Variants in NEURL1B observed in about 807,000 individuals in gnomAD.
NEURL1B encodes the protein E3 ubiquitin-protein ligase NEURL1B.
NEURL1B carries 13 observed loss-of-function variants against 37.4 expected under a neutral mutation model. The ratio of observed to expected loss-of-function variants is 0.35; its 90% confidence interval spans 0.23 to 0.55. The LOEUF is 0.55. NEURL1B is among the 20% of genes least tolerant of loss of function. The pLI is 0.89. For missense variants in NEURL1B, 790 were observed against 879.2 expected (o/e 0.90, Z 1.28); for synonymous variants, 432 against 426.6 (o/e 1.01, Z -0.16).
intron 1 of NEURL1B, among the ~76,000 whole-genome samples, chr5:172,651,587 C>T (rs1757665961): frequency 6.6e-6 from 1 of 152,164 alleles, no homozygotes; most frequent in Non-Finnish European, 1.5e-5. Context: ...CAAACTCTTC[C>T]TCTTTCTGCT....
At position 172,649,365 on chromosome 5, in the gene NEURL1B, T is replaced by C. The variant is rs1347923812; in HGVS notation, c.31+7928T>C. On this transcript the variant is annotated intron_variant, in intron 1 of 4. Coordinates refer to ENST00000369800, the MANE Select transcript of NEURL1B (RefSeq NM_001142651.3). Reference sequence around the variant, plus strand: ...CACTTCTTTTTTTTTTTTTTTTTTTTTTTTTTTTTTTTTTGAGACAGAGTC... The same window carrying C: ...CACTTCTTTTTTTTTTTTTTTTTTTCTTTTTTTTTTTTTTGAGACAGAGTC... Among the ~76,000 whole-genome samples, 6 of 109,874 alleles carry C rather than the reference T, an allele frequency of 5.5e-5. No individual in the cohort carries two copies. The East Asian group carries it at 1.3e-3, about 23-fold the overall frequency. 72.1% of individuals were successfully genotyped at this position (109,874 alleles called of 152,430 possible).
chr5:172,677,249 A>T (rs763466042), intron 2 of NEURL1B, among the ~76,000 whole-genome samples: 1 of 152,114 alleles, frequency 6.6e-6, no homozygotes, highest in African/African-American at 2.4e-5. Flanking sequence ...CCCAGCGTAA[A>T]TCATTTGCAT....
chr5:172,654,643 TAA>T lies in NEURL1B; in HGVS notation c.31+13209_31+13210del, dbSNP rs370065256. On this transcript the variant is annotated intron_variant, in intron 1 of 4. Coordinates refer to ENST00000369800, the MANE Select transcript of NEURL1B (RefSeq NM_001142651.3). The stretch of plus-strand genomic sequence containing the variant: ...GGTGTGCTCACAATGAGGTTTCCTC[TAA>T]AAGTTATTTTTCTACTTTTTTCTGT... Among the ~76,000 whole-genome samples, 56 of 150,370 alleles carry T rather than the reference TAA, an allele frequency of 3.7e-4. 1 individual carries two copies. In the East Asian group the frequency reaches 7.6e-3, roughly 21 times the overall value.
chr5:172,683,557 GC>G lies in NEURL1B; in HGVS notation c.718del (p.His240ThrfsTer51). 6.8e-7 allele frequency: 1 copy of G among 1,473,286 alleles called. No homozygotes were observed. The highest frequency in any genetic ancestry group is 1.3e-5 in the South Asian group (1 of 78,508). 91.3% of individuals were successfully genotyped at this position (1,473,286 alleles called of 1,614,324 possible). On this transcript the variant is annotated frameshift_variant, in exon 3 of 5. Transcript: ENST00000369800. LOFTEE classifies it high-confidence loss of function. The surrounding 1 kb of genome is among the most constrained non-coding windows in gnomAD (Gnocchi z 5.6). ...AACAACCAGGTGGTGGCCAAGCTGG[GC>G]CACCTGGCGCTGGGCCGCGCCCCGG... is the stretch of plus-strand genomic sequence containing the variant. ...LENNQVVAKL[G>X]HLALGRAPGP...
rs147990509 is a variant in NEURL1B at position 172,682,531 on chromosome 5, G to A, written c.578-888G>A. 4.5e-3 allele frequency among the ~76,000 whole-genome samples: 681 copies of A among 152,278 alleles called. 1 individual carries two copies. Among genetic ancestry groups the A allele is most frequent in the African/African-American group, 0.015 (632 of 41,550 alleles). ...GCAGAGGTTGCAGTGAGCCGAGATC[G>A]CGCCATTGCACTCCAGCCTGGGTGA... On this transcript the variant is annotated intron_variant, in intron 2 of 4. Transcript: ENST00000369800.
chr5:172,680,555 A>C (rs1209445527), intron 2 of NEURL1B, among the ~76,000 whole-genome samples: 2 of 152,256 alleles, frequency 1.3e-5, no homozygotes, highest in Non-Finnish European at 1.5e-5. Flanking sequence ...CTTTTCAAAA[A>C]AAGTGCTTGT....
chr5:172,645,292 T>A (rs188676557), intron 1 of NEURL1B, among the ~76,000 whole-genome samples: 133 of 152,310 alleles, frequency 8.7e-4, no homozygotes, highest in African/African-American at 3.1e-3. Context: ...GGACAGTCTG[T>A]AAGTGCTGCA....
intron 1 of NEURL1B, among the ~76,000 whole-genome samples, chr5:172,650,727 G>A (rs1008014826): frequency 6.6e-6 from 1 of 152,238 alleles, no homozygotes; most frequent in African/African-American, 2.4e-5. Context: ...TGGAGCAATG[G>A]TGAGCGCACA....
intron 2 of NEURL1B, among the ~76,000 whole-genome samples, chr5:172,677,611 G>C (rs1758255473): frequency 6.6e-6 from 1 of 152,172 alleles, no homozygotes; most frequent in Non-Finnish European, 1.5e-5. Context: ...ACCAAGGCCA[G>C]TGTTTGCCAT....
chr5:172,666,442 A>G (rs1356867694), intron 1 of NEURL1B, among the ~76,000 whole-genome samples: 1 of 152,226 alleles, frequency 6.6e-6, no homozygotes, highest in Non-Finnish European at 1.5e-5. Flanking sequence ...CGGTGATTCT[A>G]TCAGTCAGGA....
Position 172,641,309 on chromosome 5 carries a change from C to T in NEURL1B, c.-98C>T. On this transcript the variant is annotated 5_prime_UTR_variant, in exon 1 of 5. Coordinates refer to ENST00000369800, the MANE Select transcript of NEURL1B (RefSeq NM_001142651.3). The surrounding 1 kb of genome is among the most constrained non-coding windows in gnomAD (Gnocchi z 6.4). ...CGGCTCGCCCGTGCAGCTGCGATGCCCCGGAGCGTCGACCCCGGTCCTGGT... is the reference window on the plus strand; with the variant it reads ...CGGCTCGCCCGTGCAGCTGCGATGCTCCGGAGCGTCGACCCCGGTCCTGGT... The T allele has an allele frequency of 9.1e-7, 1 of 1,103,060 alleles. No individual in the cohort carries two copies. Among genetic ancestry groups the T allele is most frequent in the Non-Finnish European group, 1.1e-6 (1 of 872,204 alleles). The allele number at this position is 1,103,060 out of a possible 1,614,324, so 68.3% of individuals were successfully genotyped here.
In NEURL1B at chr5:172,686,797, G is replaced by A. The variant is rs773226839; in HGVS notation, c.1540G>A (p.Val514Ile). ...TVCFDGEVDT[V>I]IYTCGHMCLC... ...GTGCTTCGATGGCGAGGTGGACACG[G>A]TCATCTACACGTGTGGACACATGTG... The change falls in exon 5 of 5, where the codon GTC (valine) becomes ATC (isoleucine). Residue 514 changes from valine (V) to isoleucine (I), a missense_variant. Physicochemically the swap from Val to Ile is conservative, Grantham distance 29. Coordinates refer to ENST00000369800, the MANE Select transcript of NEURL1B (RefSeq NM_001142651.3). This position sits in a 1 kb window ranked among gnomAD's most constrained non-coding sequence, Gnocchi z 7.9. 3 of 1,552,008 alleles carry A rather than the reference G, an allele frequency of 1.9e-6. No homozygotes were observed. The highest frequency in any genetic ancestry group is 1.4e-5 in the African/African-American group (1 of 73,074).
chr5:172,684,067 T>C lies in NEURL1B; in HGVS notation c.1226T>C (p.Val409Ala), dbSNP rs1308229799. ...CGTCCGCGCGGCCGCCTGCTGTGCG[T>C]CGACACCACGCAGGCGCTCTGGGCC... is the stretch of plus-strand genomic sequence containing the variant. The part of the protein sequence containing the change: ...NGRPRGRLLC[V>A]DTTQALWAFF... Residue 409 changes from valine (V) to alanine (A), a missense_variant, in exon 3 of 5, where the codon GTC (valine) becomes GCC (alanine). Val to Ala is a moderately conservative substitution (Grantham distance 64). Transcript: ENST00000369800. The C allele has an allele frequency of 7.6e-7, 1 of 1,322,632 alleles. No homozygotes were observed. Among genetic ancestry groups the C allele is most frequent in the Non-Finnish European group, 9.7e-7 (1 of 1,035,324 alleles). The allele number at this position is 1,322,632 out of a possible 1,614,324, so 81.9% of individuals were successfully genotyped here.
In NEURL1B at chr5:172,683,788, C is replaced by CGCA; in HGVS notation, c.949_950insAGC (p.Pro316_Leu317insGln). On this transcript the variant is annotated inframe_insertion, in exon 3 of 5. Transcript: ENST00000369800. This position sits in a 1 kb window ranked among gnomAD's most constrained non-coding sequence, Gnocchi z 5.6. ...CGCACGCTGGTCTTCTCCGAGCGCC[C>CGCA]GCTGCGGCCCGGCGAGAGCCTCTTC... The CGCA allele has an allele frequency of 7.7e-7, 1 of 1,298,246 alleles. No individual in the cohort carries two copies. The highest frequency in any genetic ancestry group is 3.9e-5 in the Admixed American group (1 of 25,318). The allele number at this position is 1,298,246 out of a possible 1,614,324, so 80.4% of individuals were successfully genotyped here. A position where few individuals can be genotyped will look rare whatever the true frequency, so the allele number is the denominator to read the frequency against.
At chr5:172,684,192 G>A (rs1224065779) in intron 3 of NEURL1B, 54 bp downstream of exon 3, 1 of 1,042,666 alleles carries the variant, frequency 9.6e-7, no homozygotes, top group Non-Finnish European at 1.2e-6. Flanking sequence ...GTCCCGTGCC[G>A]TCTCACCCCG....
chr5:172,661,051 C>T lies in NEURL1B; in HGVS notation c.32-8734C>T, dbSNP rs1757892114. ...GCGGGAAGCCTTGCTAAATACCAGC[C>T]TTGCCTTTTCCTCTCTCTAGAGCAC... On this transcript the variant is annotated intron_variant, in intron 1 of 4. Transcript: ENST00000369800. This position sits in a 1 kb window ranked among gnomAD's most constrained non-coding sequence, Gnocchi z 4.0. Among the ~76,000 whole-genome samples the T allele has an allele frequency of 6.6e-6, 1 of 152,314 alleles. No individual in the cohort carries two copies. The highest frequency in any genetic ancestry group is 2.1e-4 in the South Asian group (1 of 4,818).
In NEURL1B at chr5:172,665,526, G is replaced by A. The variant is rs1365179195; in HGVS notation, c.32-4259G>A. Among the ~76,000 whole-genome samples the A allele has an allele frequency of 2.0e-5, 3 of 152,202 alleles. No homozygotes were observed. Among genetic ancestry groups the A allele is most frequent in the Non-Finnish European group, 4.4e-5 (3 of 68,034 alleles). ...CCTGCTTTGCCAAAAGCCCTGTAGC[G>A]GCTCCCTCTTGCCCATGCAGTGCGT... is the stretch of plus-strand genomic sequence containing the variant. On this transcript the variant is annotated intron_variant, in intron 1 of 4. Transcript: ENST00000369800. The surrounding 1 kb of genome is among the most constrained non-coding windows in gnomAD (Gnocchi z 4.1).
Position 172,657,471 on chromosome 5 carries a change from CATT to C in NEURL1B, c.32-12309_32-12307del, listed in dbSNP as rs1439469414. Among the ~76,000 whole-genome samples the C allele has an allele frequency of 1.3e-5, 2 of 152,130 alleles. No homozygotes were observed. Among genetic ancestry groups the C allele is most frequent in the Non-Finnish European group, 1.5e-5 (1 of 68,028 alleles). ...GACAATTATCAATCATTATTATAAACATTATTAATCATTAGCTTTTAATATTAC... is the reference window on the plus strand; with the variant it reads ...GACAATTATCAATCATTATTATAAACATTAATCATTAGCTTTTAATATTAC... On this transcript the variant is annotated intron_variant, in intron 1 of 4. Transcript: ENST00000369800. This position sits in a 1 kb window ranked among gnomAD's most constrained non-coding sequence, Gnocchi z 4.0.
chr5:172,664,595 C>G (rs1757974204), intron 1 of NEURL1B, among the ~76,000 whole-genome samples: 2 of 152,216 alleles, frequency 1.3e-5, no homozygotes, highest in African/African-American at 4.8e-5. Context: ...CCACTGACAT[C>G]TCCAAACTAG....
Sources: gnomAD v4.1 joint callset for allele counts (sites outside exome capture counted in the v4.1 genomes callset) on GRCh38, gnomAD v4.1.1 for gene constraint, Gnocchi (gnomAD v3.1) non-coding constraint, MANE v1.5 for transcripts, NCBI Gene and HGNC (gene_info 2026-07-23, HGNC 2026-07-21) for gene names.